The following TTC29 variants were observed in gnomAD, a reference collection of about 807,000 sequenced individuals.
The protein encoded by TTC29 is tetratricopeptide repeat protein 29.
Under a neutral mutation model 58.1 loss-of-function variants are expected in TTC29, and 49 were observed. The observed-to-expected ratio is 0.84, with a 90% confidence interval of 0.67 to 1.07. The LOEUF is 1.07. TTC29 is among the 50% of genes least tolerant of loss of function. The pLI, the probability that TTC29 is intolerant of heterozygous loss-of-function variation, is 0.00. For synonymous variants in TTC29, 209 were observed against 196.8 expected, an observed-to-expected ratio of 1.06 and a Z score of -0.52; for missense variants, 582 against 555.6, an observed-to-expected ratio of 1.05 and a Z score of -0.48.
intron 4 of TTC29, among the ~76,000 whole-genome samples, chr4:146,931,366 G>A (rs1735325077): frequency 6.6e-6 from 1 of 152,032 alleles, no homozygotes; most frequent in African/African-American, 2.4e-5. Context: ...AAATATTTAG[G>A]TTATTTATAC....
intron 11 of TTC29, among the ~76,000 whole-genome samples, chr4:146,754,670 C>A (rs1250165858): frequency 1.3e-5 from 2 of 152,068 alleles, no homozygotes; most frequent in South Asian, 2.1e-4. Context: ...AGATTAAAAC[C>A]ACAAGATTAT....
chr4:146,787,893 C>CT (rs1422899966), intron 11 of TTC29, among the ~76,000 whole-genome samples: 1 of 73,508 alleles, frequency 1.4e-5, no homozygotes, highest in Non-Finnish European at 2.3e-5. Flanking sequence ...TGCCAATCTG[C>CT]CCCCTTTTTT....
chr4:146,776,004 T>C (rs1385752282), intron 11 of TTC29, among the ~76,000 whole-genome samples: 1 of 152,216 alleles, frequency 6.6e-6, no homozygotes, highest in Admixed American at 6.5e-5. Flanking sequence ...TTGTTTTTTC[T>C]TTATTTTTGT....
Position 146,939,858 on chromosome 4 carries a change from T to A in TTC29, c.38A>T (p.Lys13Met), listed in dbSNP as rs770242659. 11 of 1,613,464 alleles carry A rather than the reference T, an allele frequency of 6.8e-6. No individual in the cohort carries two copies. ...TLPPLPMTRP[K>M]LTALARQKLP... ...CTTCTGTCTGGCTAAGGCTGTAAGC[T>A]TCGGGCGTGTCATGGGCAGTGGGGG... Residue 13 changes from lysine (K) to methionine (M), a missense_variant, in exon 3 of 13, where the codon AAG (lysine) becomes ATG (methionine). Physicochemically the swap from Lys to Met is moderately conservative, Grantham distance 95. Transcript: ENST00000325106.
chr4:146,865,269 C>A (rs900926512), intron 8 of TTC29, among the ~76,000 whole-genome samples: 12 of 152,176 alleles, frequency 7.9e-5, no homozygotes, highest in African/African-American at 2.4e-4. Context: ...TTTGTCACAT[C>A]TGATGAAACT....
At chr4:146,926,617 C>T (rs1734950599) in intron 4 of TTC29, among the ~76,000 whole-genome samples, 1 of 152,060 alleles carries the variant, frequency 6.6e-6, no homozygotes, top group Admixed American at 6.6e-5. Flanking sequence ...TGCGTGCCAC[C>T]ATGCCTGGCT....
intron 11 of TTC29, among the ~76,000 whole-genome samples, chr4:146,783,318 G>A (rs139839562): frequency 0.011 from 1,585 of 150,500 alleles, 13 homozygotes; most frequent in Middle Eastern, 0.024. Context: ...CCTAGTCTCT[G>A]TCCCCATACA....
Position 146,707,074 on chromosome 4 carries a change from T to C in TTC29, c.*84A>G, listed in dbSNP as rs1742004988. On this transcript the variant is annotated 3_prime_UTR_variant, in exon 13 of 13. Transcript: ENST00000325106. ...CGTTTTATTATAACTCTATATTATC[T>C]GTAACATGCTCCTATTACAAGTATT... 2 of 1,022,232 alleles carry C rather than the reference T, an allele frequency of 2.0e-6. No homozygotes were observed. Among genetic ancestry groups the C allele is most frequent in the Non-Finnish European group, 2.8e-6 (2 of 721,638 alleles). 63.3% of individuals were successfully genotyped at this position (1,022,232 alleles called of 1,614,324 possible).
intron 8 of TTC29, among the ~76,000 whole-genome samples, chr4:146,866,647 A>T (rs549587445): frequency 6.6e-6 from 1 of 152,296 alleles, no homozygotes; most frequent in East Asian, 1.9e-4. Flanking sequence ...TAATTAAAAA[A>T]TATTAAGCAT....
intron 11 of TTC29, among the ~76,000 whole-genome samples, chr4:146,801,978 CAAAAAAAAAAAAAAAAAAAAAAA>C (rs57486017): frequency 2.6e-5 from 1 of 38,774 alleles, no homozygotes; most frequent in African/African-American, 5.9e-5. Flanking sequence ...GACTCTGTCT[CAAAAAAAAAAAAAAAAAAAAAAA>C]AAAAAAAAGA....
At chr4:146,893,192 T>C (rs1398926330) in intron 6 of TTC29, among the ~76,000 whole-genome samples, 3 of 152,172 alleles carry the variant, frequency 2.0e-5, no homozygotes, top group Non-Finnish European at 2.9e-5. Flanking sequence ...TTAAAGTTCA[T>C]ATGGAACCAA....
chr4:146,875,332 T>C (rs1012673326), intron 6 of TTC29, among the ~76,000 whole-genome samples: 5 of 152,194 alleles, frequency 3.3e-5, no homozygotes, highest in African/African-American at 1.2e-4. Flanking sequence ...AGTAGGACTG[T>C]TCTGATTTCA....
chr4:146,743,013 G>T (rs1256593179), intron 11 of TTC29, among the ~76,000 whole-genome samples: 1 of 152,006 alleles, frequency 6.6e-6, no homozygotes, highest in East Asian at 1.9e-4. Flanking sequence ...CTAACTTGTT[G>T]CCTGACATTA....
intron 10 of TTC29, among the ~76,000 whole-genome samples, chr4:146,804,515 T>G (rs950372155): frequency 1.3e-5 from 2 of 152,120 alleles, no homozygotes; most frequent in Non-Finnish European, 2.9e-5. Context: ...CATAGCAGTC[T>G]GAAGTCAACC....
At chr4:146,913,663 T>C (rs1734039917) in intron 4 of TTC29, among the ~76,000 whole-genome samples, 1 of 152,152 alleles carries the variant, frequency 6.6e-6, no homozygotes, top group Non-Finnish European at 1.5e-5. Context: ...TAGTTCCTGC[T>C]AACTACGTCC....
chr4:146,743,748 T>C (rs1209401397), intron 11 of TTC29, among the ~76,000 whole-genome samples: 1 of 152,244 alleles, frequency 6.6e-6, no homozygotes, highest in Non-Finnish European at 1.5e-5. Context: ...GCACTTTAAA[T>C]TGACAGAGAA....
chr4:146,854,617 G>A (rs1248578754), intron 8 of TTC29, among the ~76,000 whole-genome samples: 1 of 151,998 alleles, frequency 6.6e-6, no homozygotes, highest in Non-Finnish European at 1.5e-5. Flanking sequence ...TATCCCTAAA[G>A]AGTTTTTCTG....
intron 4 of TTC29, among the ~76,000 whole-genome samples, chr4:146,930,102 T>TATACACAC (rs1415719278): frequency 3.1e-5 from 4 of 129,672 alleles, no homozygotes; most frequent in African/African-American, 1.2e-4. Flanking sequence ...TATATATATA[T>TATACACAC]ATATATATAT....
At chr4:146,848,763 C>T (rs1333926542) in intron 8 of TTC29, among the ~76,000 whole-genome samples, 1 of 152,204 alleles carries the variant, frequency 6.6e-6, no homozygotes, top group African/African-American at 2.4e-5. Context: ...CTGCCATTCT[C>T]CCAGCTGGTT....
Sources: allele counts gnomAD v4.1 joint callset (sites outside exome capture counted in the v4.1 genomes callset), GRCh38; gene constraint gnomAD v4.1.1; transcripts MANE v1.5; gene names NCBI Gene and HGNC (gene_info 2026-07-23, HGNC 2026-07-21).